MMAB: variants seen among roughly 807,000 people sequenced by gnomAD.
MMAB encodes metabolism of cobalamin associated B.
In MMAB, 17 loss-of-function variants were observed where a neutral mutation model predicts 30.6. The observed-to-expected ratio is 0.56, with a 90% CI of 0.38 to 0.83. The LOEUF (loss-of-function observed/expected upper bound fraction) is 0.83. MMAB is among the 40% of genes least tolerant of loss of function. The pLI, the probability that MMAB is intolerant of heterozygous loss-of-function variation, is 0.00. For synonymous variants in MMAB, 134 were observed against 138.6 expected (o/e 0.97, Z 0.23); for missense variants, 311 against 331.6 (o/e 0.94, Z 0.48).
Position 109,555,440 on chromosome 12 carries a change from G to A in MMAB, c.*1588C>T, listed in dbSNP as rs1485256324. 2.6e-6 allele frequency: 1 copy of A among 392,024 alleles called. No individual in the cohort carries two copies. Among genetic ancestry groups the A allele is most frequent in the Non-Finnish European group, 4.8e-6 (1 of 208,036 alleles). The allele number at this position is 392,024 out of a possible 1,614,324, so 24.3% of individuals were successfully genotyped here. ...TGGGATTACAGGCACCCGCCACCAT[G>A]CCCAGCTAATTTTTTTTTTTTTTTT... On this transcript the variant is annotated 3_prime_UTR_variant, in exon 9 of 9. Coordinates refer to ENST00000545712, the MANE Select transcript of MMAB (RefSeq NM_052845.4).
At chr12:109,559,044 C>T in intron 8 of MMAB, 52 bp downstream of exon 8, 11 of 1,439,700 alleles carry the variant, frequency 7.6e-6, no homozygotes, top group Non-Finnish European at 1.1e-5. Flanking sequence ...TGCTACTTCC[C>T]ACAGATGAGC....
At chr12:109,557,923 GGAC>G (rs1409406674) in intron 8 of MMAB, among the ~76,000 whole-genome samples, 4 of 152,250 alleles carry the variant, frequency 2.6e-5, no homozygotes, top group African/African-American at 4.8e-5. Flanking sequence ...GGGAACTAGA[GGAC>G]GACGCCACGG....
In MMAB at chr12:109,561,186, C is replaced by A. The variant is rs904522966; in HGVS notation, c.520-82G>T. 52 of 1,596,320 alleles carry A rather than the reference C, an allele frequency of 3.3e-5. No individual in the cohort carries two copies. The highest frequency in any genetic ancestry group is 4.1e-5 in the Non-Finnish European group (48 of 1,176,742). ...ACAGGAGCTCCTCTGAAGTCCAGCCCTGCCCCCCAAACCGGGCAGTGTTCT... is the reference window on the plus strand; with the variant it reads ...ACAGGAGCTCCTCTGAAGTCCAGCCATGCCCCCCAAACCGGGCAGTGTTCT... On this transcript the variant is annotated intron_variant, in intron 6 of 8. Transcript: ENST00000545712. This position sits in a 1 kb window ranked among gnomAD's most constrained non-coding sequence, Gnocchi z 5.3.
chr12:109,555,620 G>A lies in MMAB; in HGVS notation c.*1408C>T, dbSNP rs1415681354. ...ACTCCGTACCAGACCTGGTAGTGACGATGGGGGCAGGGAGGCACGGAACAA... is the reference window on the plus strand; with the variant it reads ...ACTCCGTACCAGACCTGGTAGTGACAATGGGGGCAGGGAGGCACGGAACAA... On this transcript the variant is annotated 3_prime_UTR_variant, in exon 9 of 9. Transcript: ENST00000545712. 7 of 451,650 alleles carry A rather than the reference G, an allele frequency of 1.5e-5. No homozygotes were observed. Among genetic ancestry groups the A allele is most frequent in the East Asian group, 7.0e-5 (1 of 14,332 alleles). The allele number at this position is 451,650 out of a possible 1,614,324, so 28.0% of individuals were successfully genotyped here.
intron 8 of MMAB, among the ~76,000 whole-genome samples, chr12:109,557,771 C>T (rs1884030935): frequency 1.3e-5 from 2 of 152,228 alleles, no homozygotes; most frequent in South Asian, 4.1e-4. Context: ...AGTAATGCCT[C>T]CAAACATCGC....
chr12:109,553,896 C>T lies in MMAB; in HGVS notation c.*3132G>A, dbSNP rs768171388. The T allele has an allele frequency of 2.6e-5, 12 of 453,902 alleles. No homozygotes were observed. The highest frequency in any genetic ancestry group is 5.3e-5 in the Non-Finnish European group (12 of 226,800). The allele number at this position is 453,902 out of a possible 1,614,324, so 28.1% of individuals were successfully genotyped here. On this transcript the variant is annotated 3_prime_UTR_variant, in exon 9 of 9. Transcript: ENST00000545712. The stretch of plus-strand genomic sequence containing the variant: ...TGACATTGCCACTGACGGGGGCTTC[C>T]GAACTGGGGACGTTTGTCATTGGGA...
rs7302591 is a variant in MMAB at position 109,558,312 on chromosome 12, C to A, written c.644+784G>T. Among the ~76,000 whole-genome samples the A allele has an allele frequency of 0.085, 12,953 of 152,066 alleles. 1,290 individuals are homozygous for A. Among genetic ancestry groups the A allele is most frequent in the African/African-American group, 0.24 (9,884 of 41,410 alleles). On this transcript the variant is annotated intron_variant, in intron 8 of 8. Coordinates refer to ENST00000545712, the MANE Select transcript of MMAB (RefSeq NM_052845.4). This position sits in a 1 kb window ranked among gnomAD's most constrained non-coding sequence, Gnocchi z 4.3. ...GCTTTGAAGGTGAAGTAGACCTGCT[C>A]CTCACTCCCGGCGAAACCCCCCTCC...
In MMAB at chr12:109,556,067, C is replaced by T. The variant is rs541447661; in HGVS notation, c.*961G>A. On this transcript the variant is annotated 3_prime_UTR_variant, in exon 9 of 9. Transcript: ENST00000545712. ...GGTTCTTGGGGCTGCCTCTTCTGCCCTTCATAAATATTGCCTTTCCCAAGG... is the reference window on the plus strand; with the variant it reads ...GGTTCTTGGGGCTGCCTCTTCTGCCTTTCATAAATATTGCCTTTCCCAAGG... 128 of 454,044 alleles carry T rather than the reference C, an allele frequency of 2.8e-4. No individual in the cohort carries two copies. Among genetic ancestry groups the T allele is most frequent in the Non-Finnish European group, 5.0e-4 (114 of 226,778 alleles). 28.1% of individuals were successfully genotyped at this position (454,044 alleles called of 1,614,324 possible).
intron 2 of MMAB, 74 bp downstream of exon 2, chr12:109,571,575 A>G (rs1566137796): frequency 2.8e-6 from 4 of 1,432,282 alleles, no homozygotes; most frequent in East Asian, 4.5e-5. Flanking sequence ...AGTGGCTGCA[A>G]AGAATTTGGA....
intron 4 of MMAB, among the ~76,000 whole-genome samples, chr12:109,562,153 G>A (rs1167684204): frequency 6.6e-6 from 1 of 152,084 alleles, no homozygotes; most frequent in East Asian, 1.9e-4. Flanking sequence ...TTGAAAGTGT[G>A]TAGCACCTCC....
At chr12:109,568,056 C>G (rs1884497410) in intron 3 of MMAB, 1 of 152,382 alleles carries the variant, frequency 6.6e-6, no homozygotes, top group Admixed American at 6.5e-5. Context: ...AGTTTTCAAT[C>G]AGCAATAATC....
intron 1 of MMAB, among the ~76,000 whole-genome samples, chr12:109,572,385 C>T (rs72646979): frequency 3.4e-5 from 5 of 149,150 alleles, no homozygotes; most frequent in Admixed American, 1.3e-4. Context: ...GCTGGGAGCA[C>T]GGGTGTATAC....
intron 2 of MMAB, 55 bp from the exon 3 acceptor site, chr12:109,568,918 T>TG: frequency 8.0e-7 from 1 of 1,255,036 alleles, no homozygotes; most frequent in Non-Finnish European, 1.2e-6. Flanking sequence ...CCTGATATGC[T>TG]GTTTTTTTTT....
chr12:109,571,685 T>G lies in MMAB; in HGVS notation c.160A>C (p.Arg54=). ...DRPQPSSKTP[R]IPKIYTKTGD... ...GTTTTGGTGTAAATCTTGGGGATCC[T>G]GGGTGTCTTCGAGGAAGGCTGTGGC... is the stretch of plus-strand genomic sequence containing the variant. The change falls in exon 2 of 9, where the codon AGG becomes CGG. Residue 54 remains arginine, a synonymous_variant. Coordinates refer to ENST00000545712, the MANE Select transcript of MMAB (RefSeq NM_052845.4). 2 of 1,614,164 alleles carry G rather than the reference T, an allele frequency of 1.2e-6. No individual in the cohort carries two copies. The highest frequency in any genetic ancestry group is 2.2e-5 in the South Asian group (2 of 91,086).
chr12:109,560,970 T>TGGGGGGGGGGGGGGGG, intron 7 of MMAB, 70 bp downstream of exon 7: 1 of 808,196 alleles, frequency 1.2e-6, no homozygotes. Context: ...CTCCTCTCCC[T>TGGGGGGGGGGGGGGGG]CTCCCTCCCC....
In MMAB at chr12:109,561,345, T is replaced by C. The variant is rs2136198967; in HGVS notation, c.519+75A>G. On this transcript the variant is annotated intron_variant, in intron 6 of 8. Transcript: ENST00000545712. The surrounding 1 kb of genome is among the most constrained non-coding windows in gnomAD (Gnocchi z 5.3). Reference sequence around the variant, plus strand: ...GCGTCTGTCACTGTGAAAAGAGGGATTTATTCAGAGCCCATGTGTGTCTGT... The same window carrying C: ...GCGTCTGTCACTGTGAAAAGAGGGACTTATTCAGAGCCCATGTGTGTCTGT... The C allele has an allele frequency of 6.5e-7, 1 of 1,541,632 alleles. No individual in the cohort carries two copies. Among genetic ancestry groups the C allele is most frequent in the East Asian group, 2.4e-5 (1 of 40,914 alleles).
chr12:109,563,015 C>T (rs1001401183), intron 4 of MMAB, among the ~76,000 whole-genome samples: 1 of 152,194 alleles, frequency 6.6e-6, no homozygotes, highest in African/African-American at 2.4e-5. Context: ...CTAAGATGGC[C>T]ACTGTGACAG....
At position 109,571,664 on chromosome 12, in the gene MMAB, T is replaced by G. The variant is rs1409198400; in HGVS notation, c.181A>C (p.Lys61Gln). ...KTPRIPKIYT[K>Q]TGDKGFSSTF... ...CCCACCCTACCTTTGTCTCCCGTTT[T>G]GGTGTAAATCTTGGGGATCCTGGGT... Residue 61 changes from lysine to glutamine, a missense_variant, in exon 2 of 9, where the codon AAA becomes CAA. Lys to Gln is a moderately conservative substitution (Grantham distance 53). Coordinates refer to ENST00000545712, the MANE Select transcript of MMAB (RefSeq NM_052845.4). 6.2e-7 allele frequency: 1 copy of G among 1,614,182 alleles called. No individual in the cohort carries two copies. Among genetic ancestry groups the G allele is most frequent in the East Asian group, 2.2e-5 (1 of 44,892 alleles).
chr12:109,559,159 G>C lies in MMAB; in HGVS notation c.585-4C>G, dbSNP rs2136195288. 6.2e-7 allele frequency: 1 copy of C among 1,612,720 alleles called. No homozygotes were observed. Among genetic ancestry groups the C allele is most frequent in the African/African-American group, 1.3e-5 (1 of 75,002 alleles). ...CATCTGGACAAGAGGCACCACACTA[G>C]AAAGGGAGGAGACACTGAGTCACGT... is the stretch of plus-strand genomic sequence containing the variant. On this transcript the variant is annotated splice_region_variant and splice_polypyrimidine_tract_variant and intron_variant, in intron 7 of 8. Coordinates refer to ENST00000545712, the MANE Select transcript of MMAB (RefSeq NM_052845.4).
Sources: allele counts gnomAD v4.1 joint callset (sites outside exome capture counted in the v4.1 genomes callset), GRCh38; gene constraint gnomAD v4.1.1; non-coding constraint Gnocchi (gnomAD v3.1); transcripts MANE v1.5; gene names NCBI Gene and HGNC (gene_info 2026-07-23, HGNC 2026-07-21).